The following CADPS2 variants were observed in gnomAD, a reference collection of about 807,000 sequenced individuals.
CADPS2 encodes the protein calcium-dependent secretion activator 2.
A neutral mutation model predicts 172.5 loss-of-function variants in CADPS2; 93 were observed. The ratio of observed to expected loss-of-function variants is 0.54; its 90% confidence interval spans 0.46 to 0.64. The LOEUF (loss-of-function observed/expected upper bound fraction) is 0.64, where lower values mean the gene tolerates loss of function less well. CADPS2 is among the 30% of genes least tolerant of loss of function. CADPS2 has a pLI of 0.00. For missense variants in CADPS2, 1,420 were observed against 1,565.9 expected (o/e 0.91, Z 1.57); for synonymous variants, 546 against 555.2 (o/e 0.98, Z 0.23).
chr7:122,406,190 C>G (rs1166143554), intron 20 of CADPS2, among the ~76,000 whole-genome samples: 1 of 152,078 alleles, frequency 6.6e-6, no homozygotes, highest in Non-Finnish European at 1.5e-5. Context: ...TTATCACAGA[C>G]TCAAAGAGGT....
At chr7:122,367,754 A>T (rs1056783424) in intron 25 of CADPS2, among the ~76,000 whole-genome samples, 1 of 120,120 alleles carries the variant, frequency 8.3e-6, no homozygotes, top group African/African-American at 3.3e-5. Context: ...AAACAATAAA[A>T]GTTTATTATG....
chr7:122,833,589 T>G (rs1352255282), intron 1 of CADPS2, among the ~76,000 whole-genome samples: 3 of 151,698 alleles, frequency 2.0e-5, no homozygotes, highest in Non-Finnish European at 4.4e-5. Context: ...AGAGATGGGG[T>G]TTCACCATGT....
intron 3 of CADPS2, among the ~76,000 whole-genome samples, chr7:122,642,302 A>G (rs1470433960): frequency 6.6e-5 from 10 of 151,656 alleles, no homozygotes; most frequent in Non-Finnish European, 8.8e-5. Flanking sequence ...AAAAGGAGAA[A>G]TTAATGACCT....
chr7:122,697,814 C>T, intron 2 of CADPS2: 4 of 1,593,016 alleles, frequency 2.5e-6, no homozygotes, highest in Non-Finnish European at 3.4e-6. Context: ...ACATCTTCCA[C>T]TACTGAATGA....
chr7:122,582,493 A>G (rs936358170), intron 6 of CADPS2, among the ~76,000 whole-genome samples: 1 of 152,090 alleles, frequency 6.6e-6, no homozygotes, highest in Non-Finnish European at 1.5e-5. Context: ...AAACAGCTTA[A>G]TTTCTATTTT....
intron 25 of CADPS2, among the ~76,000 whole-genome samples, chr7:122,363,873 G>A (rs1454446727): frequency 6.6e-6 from 1 of 152,266 alleles, no homozygotes; most frequent in Non-Finnish European, 1.5e-5. Flanking sequence ...GAATGAGTTT[G>A]GTCCTTAAGC....
intron 9 of CADPS2, among the ~76,000 whole-genome samples, chr7:122,501,858 A>G (rs1398198926): frequency 1.4e-5 from 2 of 141,798 alleles, no homozygotes; most frequent in African/African-American, 5.4e-5. Context: ...CTGGGCAACA[A>G]GGCAAGACTC....
intron 4 of CADPS2, among the ~76,000 whole-genome samples, chr7:122,623,544 G>A (rs1269680939): frequency 5.9e-5 from 9 of 152,154 alleles, no homozygotes; most frequent in Non-Finnish European, 1.3e-4. Flanking sequence ...AACTGTGTCT[G>A]AAAGAGGTGC....
intron 28 of CADPS2, among the ~76,000 whole-genome samples, chr7:122,339,603 CAGGCCGGG>C (rs2036463299): frequency 1.3e-5 from 2 of 152,306 alleles, no homozygotes; most frequent in African/African-American, 4.8e-5. Context: ...AAGTTCCGGG[CAGGCCGGG>C]CATGGTGGCT....
chr7:122,720,635 T>C (rs1356890619), intron 2 of CADPS2, among the ~76,000 whole-genome samples: 2 of 151,696 alleles, frequency 1.3e-5, no homozygotes, highest in Admixed American at 6.6e-5. Flanking sequence ...TACGTATGTG[T>C]ATACACACAG....
intron 1 of CADPS2, among the ~76,000 whole-genome samples, chr7:122,858,880 G>GA (rs1432709688): frequency 6.6e-6 from 1 of 151,754 alleles, no homozygotes; most frequent in Non-Finnish European, 1.5e-5. Context: ...TCTTTAATGA[G>GA]AAAAAAAATA....
At chr7:122,653,181 C>T (rs2079361391) in intron 3 of CADPS2, among the ~76,000 whole-genome samples, 2 of 152,170 alleles carry the variant, frequency 1.3e-5, no homozygotes, top group Admixed American at 1.3e-4. Flanking sequence ...CAGAACAGCC[C>T]TCGATCCTGA....
intron 9 of CADPS2, among the ~76,000 whole-genome samples, chr7:122,498,468 C>T (rs1344949475): frequency 6.6e-6 from 1 of 152,096 alleles, no homozygotes; most frequent in African/African-American, 2.4e-5. Context: ...TTATTCAAAT[C>T]CTATCAGAAA....
intron 28 of CADPS2, among the ~76,000 whole-genome samples, chr7:122,329,531 G>A (rs947621691): frequency 1.3e-5 from 2 of 152,094 alleles, no homozygotes; most frequent in South Asian, 2.1e-4. Flanking sequence ...GCAACATACC[G>A]TGCTTTCTTC....
chr7:122,590,419 T>C (rs1057031080), intron 6 of CADPS2, among the ~76,000 whole-genome samples: 1 of 151,944 alleles, frequency 6.6e-6, no homozygotes, highest in Non-Finnish European at 1.5e-5. Context: ...ACACTATATC[T>C]TGAACTTCTT....
In CADPS2 at chr7:122,627,591, G is replaced by C. The variant is rs374747948; in HGVS notation, c.867+1657C>G. 2.5e-4 allele frequency among the ~76,000 whole-genome samples: 38 copies of C among 152,238 alleles called. No homozygotes were observed. In the East Asian group the frequency reaches 4.1e-3, roughly 16 times the overall value. On this transcript the variant is annotated intron_variant, in intron 4 of 29. Coordinates refer to ENST00000449022, the MANE Select transcript of CADPS2 (RefSeq NM_017954.11). ...AGTTTATGAACACACCTTCTTCTCA[G>C]TCATGAACCTGAGAATACGTCTGAG... is the stretch of plus-strand genomic sequence containing the variant.
chr7:122,569,970 G>T (rs2067000272), intron 7 of CADPS2, among the ~76,000 whole-genome samples: 1 of 148,564 alleles, frequency 6.7e-6, no homozygotes, highest in African/African-American at 2.5e-5. Flanking sequence ...ACACAGGCGT[G>T]GGCAAGGACT....
chr7:122,826,280 A>C (rs557712284), intron 1 of CADPS2, among the ~76,000 whole-genome samples: 9 of 152,238 alleles, frequency 5.9e-5, no homozygotes, highest in Non-Finnish European at 1.2e-4. Flanking sequence ...TTTGGACTTA[A>C]GAAGGCAGTG....
At chr7:122,672,671 C>T (rs913062634) in intron 2 of CADPS2, among the ~76,000 whole-genome samples, 5 of 152,156 alleles carry the variant, frequency 3.3e-5, no homozygotes, top group Admixed American at 1.3e-4. Context: ...ATTCCTCCAC[C>T]CCAGCCTGGG....
Sources: gnomAD v4.1 joint callset for allele counts (sites outside exome capture counted in the v4.1 genomes callset) on GRCh38, gnomAD v4.1.1 for gene constraint, MANE v1.5 for transcripts, NCBI Gene and HGNC (gene_info 2026-07-23, HGNC 2026-07-21) for gene names.